Variants in CDH13 observed in about 807,000 individuals in gnomAD.
The protein encoded by CDH13 is cadherin-13.
CDH13 carries 24 observed loss-of-function variants against 63.8 expected under a neutral mutation model. The observed-to-expected ratio is 0.38, with a 90% confidence interval of 0.27 to 0.53. The LOEUF (loss-of-function observed/expected upper bound fraction) is 0.53. CDH13 is among the 20% of genes least tolerant of loss of function. The pLI is 0.85. For synonymous variants in CDH13, 503 were observed against 355.3 expected, an observed-to-expected ratio of 1.42 and a Z score of -4.67; for missense variants, 1,049 against 903.1, an observed-to-expected ratio of 1.16 and a Z score of -2.07.
At chr16:83,433,790 A>G (rs1220964801) in intron 6 of CDH13, among the ~76,000 whole-genome samples, 1 of 152,242 alleles carries the variant, frequency 6.6e-6, no homozygotes, top group East Asian at 1.9e-4. Flanking sequence ...AGAACCGTGC[A>G]GCAGATAAGA....
chr16:83,398,053 C>T (rs1417572788), intron 6 of CDH13: 1 of 152,228 alleles, frequency 6.6e-6, no homozygotes, highest in Non-Finnish European at 1.5e-5. Context: ...AATTCAATTA[C>T]TCTAGACCAG....
rs753771311 is a variant in CDH13, at chr16:83,172,682, A to G, written c.484-44663A>G. Among the ~76,000 whole-genome samples the G allele has an allele frequency of 2.6e-5, 4 of 152,050 alleles. 1 individual carries two copies. Among genetic ancestry groups the G allele is most frequent in the Non-Finnish European group, 5.9e-5 (4 of 67,978 alleles). On this transcript the variant is annotated intron_variant, in intron 4 of 13. Transcript: ENST00000567109. ...CCTTGATCTCAGATTTTCAGCCTCC[A>G]TCACTGTGAGACAATCAATTTCTGT... is the stretch of plus-strand genomic sequence containing the variant.
At chr16:83,276,394 C>T (rs547133720) in intron 5 of CDH13, among the ~76,000 whole-genome samples, 5 of 152,132 alleles carry the variant, frequency 3.3e-5, no homozygotes, top group African/African-American at 1.2e-4. Context: ...ATATGACTTG[C>T]AAGCACCTTG....
chr16:83,117,045 C>T lies in CDH13; in HGVS notation c.367-8340C>T, dbSNP rs149324854. On this transcript the variant is annotated intron_variant, in intron 3 of 13. Transcript: ENST00000567109. The stretch of plus-strand genomic sequence containing the variant: ...ACAGTGAATGTAGCTTGTTATCTTA[C>T]GACAGACCTGGGAGAAGGAGGAAAT... Among the ~76,000 whole-genome samples, 291 of 152,310 alleles carry T rather than the reference C, an allele frequency of 1.9e-3. 1 individual carries two copies. Among genetic ancestry groups the T allele is most frequent in the African/African-American group, 4.4e-3 (183 of 41,560 alleles).
At chr16:83,542,282 G>T (rs529480624) in intron 7 of CDH13, among the ~76,000 whole-genome samples, 2 of 152,166 alleles carry the variant, frequency 1.3e-5, no homozygotes, top group Non-Finnish European at 2.9e-5. Context: ...TTTTGTTTTT[G>T]TTTTAAGGCT....
Position 83,368,887 on chromosome 16 carries a change from TATATATATATATATATATATATA to T in CDH13, c.781+23882_781+23904del, listed in dbSNP as rs2091306241. ...GGCTGAGTAGTAGTATTCCATGTTATATATATATATATATATATATATATATATATATATATATATATATATAT... is the reference window on the plus strand; with the variant it reads ...GGCTGAGTAGTAGTATTCCATGTTATTATATATATATATATATATATATAT... On this transcript the variant is annotated intron_variant, in intron 6 of 13. Transcript: ENST00000567109. Among the ~76,000 whole-genome samples, 34 of 37,992 alleles carry T rather than the reference TATATATATATATATATATATATA, an allele frequency of 8.9e-4. 3 individuals carry two copies. The highest frequency in any genetic ancestry group is 2.0e-3 in the South Asian group (3 of 1,500). The allele number at this position is 37,992 out of a possible 152,430, so 24.9% of individuals were successfully genotyped here. A position where few individuals can be genotyped will look rare whatever the true frequency, so the allele number is the denominator to read the frequency against.
At chr16:82,883,391 AG>A (rs1355977154) in intron 2 of CDH13, among the ~76,000 whole-genome samples, 4 of 152,220 alleles carry the variant, frequency 2.6e-5, no homozygotes, top group Non-Finnish European at 5.9e-5. Context: ...TGTCTATCAG[AG>A]TCACCTGGGG....
chr16:82,630,265 T>G (rs1272609679), intron 1 of CDH13, among the ~76,000 whole-genome samples: 1 of 152,158 alleles, frequency 6.6e-6, no homozygotes, highest in African/African-American at 2.4e-5. Flanking sequence ...CCTGTAAGAT[T>G]TCCAGAGCAC....
At chr16:82,844,101 T>G (rs1016249142) in intron 1 of CDH13, among the ~76,000 whole-genome samples, 1 of 152,172 alleles carries the variant, frequency 6.6e-6, no homozygotes, top group Non-Finnish European at 1.5e-5. Context: ...CAAGGTTACC[T>G]GTATGACCCA....
Position 83,381,310 on chromosome 16 carries a change from C to T in CDH13, c.781+36304C>T, listed in dbSNP as rs1177580628. On this transcript the variant is annotated intron_variant, in intron 6 of 13. Coordinates refer to ENST00000567109, the MANE Select transcript of CDH13 (RefSeq NM_001257.5). ...GAAATTTTCCCAGAAATCGTGGACT[C>T]CCCCTTTCCCTGCCCCTTCATGTCT... 2.6e-5 allele frequency among the ~76,000 whole-genome samples: 4 copies of T among 152,182 alleles called. 1 individual carries two copies. Among genetic ancestry groups the T allele is most frequent in the Middle Eastern group, 3.4e-3 (1 of 294 alleles).
chr16:83,425,860 G>C (rs966372893), intron 6 of CDH13, among the ~76,000 whole-genome samples: 15 of 151,090 alleles, frequency 9.9e-5, no homozygotes, highest in Non-Finnish European at 2.1e-4. Context: ...TTATTTATAA[G>C]GGACTTAATA....
intron 2 of CDH13, among the ~76,000 whole-genome samples, chr16:82,922,532 C>T (rs998160678): frequency 1.6e-4 from 24 of 152,152 alleles, no homozygotes; most frequent in African/African-American, 5.3e-4. Flanking sequence ...GGCCTTGCCC[C>T]TCTTCTTGTT....
At chr16:83,297,554 T>C (rs371355883) in intron 5 of CDH13, among the ~76,000 whole-genome samples, 7 of 152,272 alleles carry the variant, frequency 4.6e-5, no homozygotes, top group South Asian at 2.1e-4. Context: ...TGAACACTTT[T>C]TGAATGCCTC....
At chr16:83,499,867 A>T (rs563347139) in intron 7 of CDH13, among the ~76,000 whole-genome samples, 27 of 152,302 alleles carry the variant, frequency 1.8e-4, no homozygotes, top group Admixed American at 9.8e-4. Flanking sequence ...CAATGGCACG[A>T]TCTCAGCTCA....
chr16:83,268,524 A>G (rs1000024699), intron 5 of CDH13, among the ~76,000 whole-genome samples: 2 of 152,234 alleles, frequency 1.3e-5, no homozygotes, highest in African/African-American at 2.4e-5. Context: ...TATGAGTTAC[A>G]GAAGTTCATC....
At chr16:83,261,994 A>G (rs1289342695) in intron 5 of CDH13, among the ~76,000 whole-genome samples, 2 of 152,032 alleles carry the variant, frequency 1.3e-5, no homozygotes, top group Admixed American at 1.3e-4. Flanking sequence ...TTTTAATTCA[A>G]CCGTAACCTG....
intron 1 of CDH13, among the ~76,000 whole-genome samples, chr16:82,826,865 C>T (rs537591221): frequency 6.6e-6 from 1 of 152,146 alleles, no homozygotes; most frequent in Non-Finnish European, 1.5e-5. Flanking sequence ...AAGGGTGAGG[C>T]AGGTTTTCAA....
At chr16:82,829,011 G>A (rs1340138394) in intron 1 of CDH13, among the ~76,000 whole-genome samples, 1 of 152,084 alleles carries the variant, frequency 6.6e-6, no homozygotes, top group Non-Finnish European at 1.5e-5. Context: ...AGGCTAGAGC[G>A]ATGGGTTTTA....
At chr16:83,599,301 C>A (rs773760464) in intron 7 of CDH13, among the ~76,000 whole-genome samples, 2 of 152,208 alleles carry the variant, frequency 1.3e-5, no homozygotes, top group East Asian at 3.8e-4. Context: ...CCTAGTCTCC[C>A]AATTTGCTTC....
Sources: allele counts gnomAD v4.1 joint callset (sites outside exome capture counted in the v4.1 genomes callset), GRCh38; gene constraint gnomAD v4.1.1; transcripts MANE v1.5; gene names NCBI Gene and HGNC (gene_info 2026-07-23, HGNC 2026-07-21).